Variants in PRKCE observed in about 807,000 individuals in gnomAD.
PRKCE encodes protein kinase C epsilon, also known as protein kinase C epsilon type.
Under a neutral mutation model 85.4 loss-of-function variants are expected in PRKCE, and 16 were observed. The observed-to-expected ratio is 0.19, with a 90% confidence interval of 0.13 to 0.28. The LOEUF (loss-of-function observed/expected upper bound fraction) is 0.28, where lower values mean the gene tolerates loss of function less well. Ranked by LOEUF, PRKCE falls within the 10% of genes least tolerant of loss-of-function variation. The pLI, the probability that PRKCE is intolerant of heterozygous loss-of-function variation, is 1.00. For synonymous variants in PRKCE, 388 were observed against 371.5 expected, an observed-to-expected ratio of 1.04 and a Z score of -0.51; for missense variants, 573 against 975.2, an observed-to-expected ratio of 0.59 and a Z score of 5.49.
chr2:46,097,617 CAA>C, intron 11 of PRKCE, among the ~76,000 whole-genome samples: 1 of 152,054 alleles, frequency 6.6e-6, no homozygotes, highest in Non-Finnish European at 1.5e-5. Context: ...GAACCCGGCC[CAA>C]GCCCTGGTCC....
chr2:46,186,244 A>G lies in PRKCE; in HGVS notation c.*1363A>G, dbSNP rs929333869. 1 of 152,608 alleles carries G rather than the reference A, an allele frequency of 6.6e-6. No individual in the cohort carries two copies. Among genetic ancestry groups the G allele is most frequent in the Admixed American group, 6.5e-5 (1 of 15,276 alleles). 9.5% of individuals were successfully genotyped at this position (152,608 alleles called of 1,614,324 possible). ...TTTCCCAGAGGTCATTTGATTACCT[A>G]ATTTACTGAACTGATTTAGCAGGGA... On this transcript the variant is annotated 3_prime_UTR_variant, in exon 15 of 15. Transcript: ENST00000306156.
At chr2:45,829,083 A>G (rs1004508786) in intron 1 of PRKCE, among the ~76,000 whole-genome samples, 5 of 152,132 alleles carry the variant, frequency 3.3e-5, no homozygotes, top group African/African-American at 1.2e-4. Context: ...CAATTTATTT[A>G]AATAATTTTA....
rs965961553 is a variant in PRKCE, at chr2:45,907,988, G to A, written c.412+64925G>A. Among the ~76,000 whole-genome samples the A allele has an allele frequency of 5.9e-5, 9 of 152,158 alleles. No homozygotes were observed. The highest frequency in any genetic ancestry group is 2.2e-4 in the African/African-American group (9 of 41,438). On this transcript the variant is annotated intron_variant, in intron 2 of 14. Transcript: ENST00000306156. The surrounding 1 kb of genome is among the most constrained non-coding windows in gnomAD (Gnocchi z 4.5). The stretch of plus-strand genomic sequence containing the variant: ...TCATCCTTTTCAAATCTCTGAAGTG[G>A]GGAGGGCGATTATCACCCCATTTTT...
chr2:46,005,263 A>G (rs1232232477), intron 8 of PRKCE, among the ~76,000 whole-genome samples: 1 of 152,168 alleles, frequency 6.6e-6, no homozygotes, highest in Non-Finnish European at 1.5e-5. Context: ...TGCAGACATA[A>G]TTTGCACAAT....
At chr2:45,691,878 G>A (rs1450790460) in intron 1 of PRKCE, among the ~76,000 whole-genome samples, 2 of 152,234 alleles carry the variant, frequency 1.3e-5, no homozygotes, top group Non-Finnish European at 2.9e-5. Context: ...GCCAGGTGAA[G>A]AGGGTACAGG....
At chr2:46,075,037 ATCTTTT>A (rs1668434196) in intron 10 of PRKCE, among the ~76,000 whole-genome samples, 1 of 152,114 alleles carries the variant, frequency 6.6e-6, no homozygotes, top group Admixed American at 6.5e-5. Flanking sequence ...ATGCTCAAAA[ATCTTTT>A]TCTTTTTCTT....
intron 10 of PRKCE, among the ~76,000 whole-genome samples, chr2:46,083,375 C>G (rs1669286342): frequency 1.3e-5 from 2 of 152,194 alleles, no homozygotes; most frequent in African/African-American, 2.4e-5. Flanking sequence ...ACAGCCCCTA[C>G]TCTTAAAAAC....
rs546851641 is a variant in PRKCE, at chr2:46,031,513, C to T, written c.1437+20996C>T. On this transcript the variant is annotated intron_variant, in intron 10 of 14. Transcript: ENST00000306156. ...ACGACTAGCTATTTAGATTTCTATG[C>T]ACAAAAGTCTTATCTCCCAAAATCA... Among the ~76,000 whole-genome samples the T allele has an allele frequency of 6.6e-5, 10 of 152,142 alleles. No homozygotes were observed. In the South Asian group the frequency reaches 2.1e-3, roughly 32 times the overall value.
At chr2:45,829,928 C>G (rs1690267169) in intron 1 of PRKCE, among the ~76,000 whole-genome samples, 1 of 151,624 alleles carries the variant, frequency 6.6e-6, no homozygotes, top group South Asian at 2.1e-4. Context: ...AAAAAATTAG[C>G]CGGGCGTGGT....
chr2:45,994,007 G>C (rs552610999), intron 6 of PRKCE, among the ~76,000 whole-genome samples: 4 of 152,014 alleles, frequency 2.6e-5, no homozygotes, highest in Non-Finnish European at 5.9e-5. Flanking sequence ...TGTCCAGGCT[G>C]GTCTGGGGGG....
intron 1 of PRKCE, among the ~76,000 whole-genome samples, chr2:45,692,297 A>T (rs1231502342): frequency 2.0e-5 from 3 of 152,164 alleles, no homozygotes; most frequent in African/African-American, 7.2e-5. Context: ...TGGCAGGGCC[A>T]TGTTCCCTCT....
At chr2:45,840,810 G>C (rs910815255) in intron 1 of PRKCE, among the ~76,000 whole-genome samples, 5 of 152,206 alleles carry the variant, frequency 3.3e-5, no homozygotes, top group African/African-American at 1.2e-4. Context: ...CGTTGGGAGA[G>C]TTTGGAGAAC....
chr2:45,863,198 G>A (rs1237180543), intron 2 of PRKCE, among the ~76,000 whole-genome samples: 1 of 152,098 alleles, frequency 6.6e-6, no homozygotes, highest in East Asian at 1.9e-4. Flanking sequence ...AGACCCTACT[G>A]TCTAGGGTCT....
At chr2:45,912,992 C>A (rs1344792685) in intron 2 of PRKCE, among the ~76,000 whole-genome samples, 3 of 152,116 alleles carry the variant, frequency 2.0e-5, no homozygotes, top group Admixed American at 2.0e-4. Context: ...AACTGGTGGT[C>A]AGGAGTCACT....
intron 1 of PRKCE, among the ~76,000 whole-genome samples, chr2:45,790,658 T>A (rs1303077951): frequency 6.6e-6 from 1 of 152,262 alleles, no homozygotes; most frequent in Non-Finnish European, 1.5e-5. Flanking sequence ...GCCATTGTGC[T>A]TGCAACCTTG....
rs572249557 is a variant in PRKCE at position 46,159,817 on chromosome 2, C to T, written c.2067+65C>T. 1.7e-5 allele frequency: 27 copies of T among 1,576,492 alleles called. No individual in the cohort carries two copies. The East Asian group carries it at 2.0e-4, about 12-fold the overall frequency. ...GCCCAGGTACTTGCAGGACAGGCTG[C>T]GTGCACCCAGGAAGAGTTGGTCAGG... On this transcript the variant is annotated intron_variant, in intron 14 of 14. Coordinates refer to ENST00000306156, the MANE Select transcript of PRKCE (RefSeq NM_005400.3). This position sits in a 1 kb window ranked among gnomAD's most constrained non-coding sequence, Gnocchi z 4.1.
chr2:45,971,786 C>T (rs1231846508), intron 2 of PRKCE, among the ~76,000 whole-genome samples: 1 of 152,234 alleles, frequency 6.6e-6, no homozygotes, highest in Non-Finnish European at 1.5e-5. Context: ...GTAGTTGGAA[C>T]ATACCTTTCC....
intron 2 of PRKCE, among the ~76,000 whole-genome samples, chr2:45,863,644 G>T (rs36096672): frequency 0.041 from 6,306 of 152,188 alleles, 169 homozygotes; most frequent in Middle Eastern, 0.082. Context: ...GTGCAATCCA[G>T]TGCCACAGAT....
intron 1 of PRKCE, among the ~76,000 whole-genome samples, chr2:45,835,739 C>T (rs545907737): frequency 2.4e-4 from 36 of 152,112 alleles, no homozygotes; most frequent in East Asian, 1.7e-3. Context: ...TGTAGGCATG[C>T]ACCACCATGC....
Sources: allele counts gnomAD v4.1 joint callset (sites outside exome capture counted in the v4.1 genomes callset), GRCh38; gene constraint gnomAD v4.1.1; non-coding constraint Gnocchi (gnomAD v3.1); transcripts MANE v1.5; gene names NCBI Gene and HGNC (gene_info 2026-07-23, HGNC 2026-07-21).